Variants in ARPC1B observed in about 807,000 individuals in gnomAD.
ARPC1B encodes the protein actin-related protein 2/3 complex subunit 1B.
A neutral mutation model predicts 46.0 loss-of-function variants in ARPC1B; 29 were observed. The observed-to-expected ratio is 0.63, with a 90% CI of 0.47 to 0.86. The LOEUF is 0.86. Ranked by LOEUF, ARPC1B falls within the 40% of genes least tolerant of loss-of-function variation. ARPC1B has a pLI of 0.00. For missense variants in ARPC1B, 469 were observed against 529.4 expected, an observed-to-expected ratio of 0.89 and a Z score of 1.12; for synonymous variants, 201 against 213.9, an observed-to-expected ratio of 0.94 and a Z score of 0.53.
At chr7:99,390,082 G>A (rs1006462897) in intron 5 of ARPC1B, 70 bp downstream of exon 5, 18 of 1,363,212 alleles carry the variant, frequency 1.3e-5, no homozygotes, top group East Asian at 2.3e-5. Context: ...GCGGGGAGCC[G>A]CACCTGAAAG....
intron 1 of ARPC1B, among the ~76,000 whole-genome samples, chr7:99,378,556 A>G (rs910155533): frequency 1.3e-5 from 2 of 150,586 alleles, no homozygotes; most frequent in Non-Finnish European, 3.0e-5. Context: ...GGTGGTGGGC[A>G]CCTGTAGTTC....
intron 5 of ARPC1B, 55 bp from the exon 6 acceptor site, chr7:99,390,838 C>T (rs1345158223): frequency 1.7e-5 from 26 of 1,493,762 alleles, no homozygotes; most frequent in Non-Finnish European, 2.3e-5. Flanking sequence ...GCTGAGAGTA[C>T]AGGTGCGCAC....
In ARPC1B at chr7:99,380,758, C is replaced by T. The variant is rs139779340; in HGVS notation, c.-13-4944C>T. Among the ~76,000 whole-genome samples the T allele has an allele frequency of 8.7e-3, 1,322 of 152,300 alleles. 19 individuals are homozygous for T. The highest frequency in any genetic ancestry group is 0.029 in the African/African-American group (1,210 of 41,562). On this transcript the variant is annotated intron_variant, in intron 1 of 9. Coordinates refer to ENST00000646101, the MANE Select transcript of ARPC1B (RefSeq NM_005720.4). Reference sequence around the variant, plus strand: ...AATGTGACCACTGATGCTGGGATGTCAGAGTCTGTGCATCAACCCAGGGTT... The same window carrying T: ...AATGTGACCACTGATGCTGGGATGTTAGAGTCTGTGCATCAACCCAGGGTT...
chr7:99,383,631 A>G (rs966532002), intron 1 of ARPC1B, among the ~76,000 whole-genome samples: 2 of 152,188 alleles, frequency 1.3e-5, no homozygotes, highest in African/African-American at 4.8e-5. Context: ...GTTTCCAGGG[A>G]AGGCCTCCCC....
intron 7 of ARPC1B, among the ~76,000 whole-genome samples, chr7:99,391,752 CAA>C (rs36070836): frequency 6.4e-4 from 74 of 115,560 alleles, no homozygotes; most frequent in Admixed American, 7.4e-4. Flanking sequence ...AAACCTGTCT[CAA>C]AAAAAAAAAA....
chr7:99,388,362 A>G (rs1794462927), intron 4 of ARPC1B, 101 bp downstream of exon 4: 3 of 1,200,158 alleles, frequency 2.5e-6, no homozygotes, highest in Non-Finnish European at 2.4e-6. Flanking sequence ...CCCTGTTCCC[A>G]TCACCCTGGG....
Position 99,391,735 on chromosome 7 carries a change from C to T in ARPC1B, c.783+482C>T, listed in dbSNP as rs1159760728. Among the ~76,000 whole-genome samples, 12 of 137,550 alleles carry T rather than the reference C, an allele frequency of 8.7e-5. No homozygotes were observed. In the East Asian group the frequency reaches 1.7e-3, roughly 19 times the overall value. 90.2% of individuals were successfully genotyped at this position (137,550 alleles called of 152,430 possible). A position where few individuals can be genotyped will look rare whatever the true frequency, so the allele number is the denominator to read the frequency against. ...TCGTACCTCTGCACTTCAGCCTCGG[C>T]GACACAAAACCTGTCTCAAAAAAAA... On this transcript the variant is annotated intron_variant, in intron 7 of 9. Coordinates refer to ENST00000646101, the MANE Select transcript of ARPC1B (RefSeq NM_005720.4).
intron 1 of ARPC1B, among the ~76,000 whole-genome samples, chr7:99,385,309 G>A (rs1038402868): frequency 4.9e-5 from 5 of 102,202 alleles, no homozygotes; most frequent in Admixed American, 8.9e-5. Context: ...GTTGGGTGGG[G>A]GGGGGGGGGT....
intron 8 of ARPC1B, among the ~76,000 whole-genome samples, chr7:99,393,277 G>GCGAC (rs1464246640): frequency 2.0e-5 from 3 of 152,246 alleles, no homozygotes; most frequent in Non-Finnish European, 2.9e-5. Context: ...GGGACACGGT[G>GCGAC]CGACCGACAT....
In ARPC1B at chr7:99,389,875, TCTCC is replaced by T. The variant is rs762868394; in HGVS notation, c.393-27_393-24del. ...CATGAGTCCCACCTGCCTGTCCCTC[TCTCC>T]CTGTCTGCCTGACCACCGTTCCCAG... On this transcript the variant is annotated intron_variant, in intron 4 of 9. Transcript: ENST00000646101. 6.9e-6 allele frequency: 11 copies of T among 1,590,058 alleles called. No individual in the cohort carries two copies. The African/African-American group carries it at 1.1e-4, about 16-fold the overall frequency.
intron 1 of ARPC1B, among the ~76,000 whole-genome samples, chr7:99,381,915 C>G (rs773985619): frequency 2.6e-5 from 4 of 152,230 alleles, no homozygotes; most frequent in Non-Finnish European, 5.9e-5. Flanking sequence ...TCAGGGTTCC[C>G]AGTCCTGGTT....
intron 1 of ARPC1B, among the ~76,000 whole-genome samples, chr7:99,375,225 C>T (rs1160245909): frequency 1.3e-5 from 2 of 152,102 alleles, no homozygotes; most frequent in Non-Finnish European, 2.9e-5. Flanking sequence ...AGCCCCGTTA[C>T]TTCGGGCCGG....
Position 99,394,698 on chromosome 7 carries a change from G to GAAAAAAA in ARPC1B, c.*217_*223dup, listed in dbSNP as rs57668352. 753 of 1,164,534 alleles carry GAAAAAAA rather than the reference G, an allele frequency of 6.5e-4. 5 individuals carry two copies. The African/African-American group carries it at 0.013, about 20-fold the overall frequency. The allele number at this position is 1,164,534 out of a possible 1,614,324, so 72.1% of individuals were successfully genotyped here. Reference sequence around the variant, plus strand: ...TTTTTCTTAAATGCTTTCATTTATTGAAAAAAAAAAAAAATGCCCCCAAAG... The same window carrying GAAAAAAA: ...TTTTTCTTAAATGCTTTCATTTATTGAAAAAAAAAAAAAAAAAAAAATGCCCCCAAAG... On this transcript the variant is annotated 3_prime_UTR_variant, in exon 10 of 10. Transcript: ENST00000646101.
At chr7:99,383,755 G>A (rs747327355) in intron 1 of ARPC1B, among the ~76,000 whole-genome samples, 13 of 152,184 alleles carry the variant, frequency 8.5e-5, no homozygotes, top group Non-Finnish European at 4.4e-5. Context: ...ACGGAAGCCC[G>A]AGGCAGGTGC....
chr7:99,386,515 C>G (rs753728610), intron 2 of ARPC1B, 170 bp from the exon 3 acceptor site: 1 of 719,986 alleles, frequency 1.4e-6, no homozygotes, highest in Non-Finnish European at 2.5e-6. Flanking sequence ...CAGGAGAAGA[C>G]AGGGTGGCCT....
intron 1 of ARPC1B, chr7:99,377,311 C>CT (rs768366002): frequency 0.028 from 3,808 of 133,916 alleles, 72 homozygotes; most frequent in Non-Finnish European, 0.041. Context: ...TACGTGCTTT[C>CT]TTTTTTTTTT....
intron 1 of ARPC1B, among the ~76,000 whole-genome samples, chr7:99,375,023 G>T: frequency 1.3e-5 from 2 of 149,954 alleles, no homozygotes; most frequent in Non-Finnish European, 3.0e-5. Context: ...GGGGCTCACG[G>T]AAAGGAGAGG....
rs774083226 is a variant in ARPC1B at position 99,388,108 on chromosome 7, C to T, written c.239C>T (p.Thr80Met). 37 of 1,614,028 alleles carry T rather than the reference C, an allele frequency of 2.3e-5. No homozygotes were observed. The highest frequency in any genetic ancestry group is 1.6e-4 in the Middle Eastern group (1 of 6,082). ...ACAGACCGCAACGCCTACGTGTGGACGCTGAAGGGCCGCACATGGAAGCCC... is the reference window on the plus strand; with the variant it reads ...ACAGACCGCAACGCCTACGTGTGGATGCTGAAGGGCCGCACATGGAAGCCC... Reference protein sequence around the residue: ...CGTDRNAYVWTLKGRTWKPTL... With the variant: ...CGTDRNAYVWMLKGRTWKPTL... Residue 80 changes from threonine to methionine, a missense_variant, in exon 4 of 10, where the codon ACG (threonine) becomes ATG (methionine). Coordinates refer to ENST00000646101, the MANE Select transcript of ARPC1B (RefSeq NM_005720.4).
intron 1 of ARPC1B, among the ~76,000 whole-genome samples, chr7:99,375,480 C>T (rs1346579019): frequency 6.6e-6 from 1 of 152,192 alleles, no homozygotes; most frequent in Admixed American, 6.5e-5. Flanking sequence ...AGCAGCCCCT[C>T]CCTTTCCGGA....
Sources: gnomAD v4.1 joint callset for allele counts (sites outside exome capture counted in the v4.1 genomes callset) on GRCh38, gnomAD v4.1.1 for gene constraint, MANE v1.5 for transcripts, NCBI Gene and HGNC (gene_info 2026-07-23, HGNC 2026-07-21) for gene names.